The following OR9Q1 variants were observed in gnomAD, a reference collection of about 807,000 sequenced individuals.
The protein encoded by OR9Q1 is olfactory receptor family 9 subfamily Q member 1.
For synonymous variants in OR9Q1, 153 were observed against 148.6 expected, an observed-to-expected ratio of 1.03 and a Z score of -0.22; for missense variants, 374 against 378.8, an observed-to-expected ratio of 0.99 and a Z score of 0.11.
At chr11:58,091,294 C>T (rs928057401) in intron 2 of OR9Q1, among the ~76,000 whole-genome samples, 3 of 151,920 alleles carry the variant, frequency 2.0e-5, no homozygotes, top group Admixed American at 6.6e-5. Flanking sequence ...GCTATAAATT[C>T]GCTTCTTAAC....
Position 58,146,309 on chromosome 11 carries a change from T to C in OR9Q1, c.-14-33122T>C, listed in dbSNP as rs745486881. On this transcript the variant is annotated intron_variant, in intron 2 of 2. Transcript: ENST00000335397. ...ATTTACTCTATTGTCAGAAGACAGA[T>C]AACAATGAATCTGACTGCCACTTTT... 1.4e-4 allele frequency among the ~76,000 whole-genome samples: 22 copies of C among 152,326 alleles called. No individual in the cohort carries two copies. In the Middle Eastern group the frequency reaches 0.01, roughly 71 times the overall value.
chr11:58,073,751 A>G (rs998450271), intron 2 of OR9Q1: 9 of 152,254 alleles, frequency 5.9e-5, no homozygotes, highest in African/African-American at 1.9e-4. Flanking sequence ...TGTCATCTAG[A>G]TTTTAAGCCC....
At chr11:58,028,987 A>T (rs144454184) in intron 1 of OR9Q1, among the ~76,000 whole-genome samples, 3 of 152,184 alleles carry the variant, frequency 2.0e-5, no homozygotes, top group Non-Finnish European at 4.4e-5. Context: ...GCAAAACACT[A>T]TTTCTTTTTC....
intron 2 of OR9Q1, among the ~76,000 whole-genome samples, chr11:58,056,351 A>G (rs1037685163): frequency 1.1e-4 from 17 of 152,176 alleles, no homozygotes; most frequent in African/African-American, 4.1e-4. Context: ...AGCTGTCATC[A>G]TCTCCCTTCC....
chr11:58,177,545 A>G (rs1854617304), intron 2 of OR9Q1, among the ~76,000 whole-genome samples: 1 of 152,224 alleles, frequency 6.6e-6, no homozygotes, highest in Non-Finnish European at 1.5e-5. Context: ...ATCAGTTCTT[A>G]TAAAAGCATT....
intron 1 of OR9Q1, among the ~76,000 whole-genome samples, chr11:58,036,941 C>T (rs1565056031): frequency 6.6e-6 from 1 of 152,190 alleles, no homozygotes; most frequent in Non-Finnish European, 1.5e-5. Context: ...AAAACACCAT[C>T]AGGGCTTGAA....
intron 2 of OR9Q1, among the ~76,000 whole-genome samples, chr11:58,114,974 C>G (rs1031234): frequency 0.39 from 59,162 of 151,906 alleles, 12,254 homozygotes; most frequent in Middle Eastern, 0.52. Context: ...TCCTCATAGG[C>G]TTGCCTGTCC....
Position 58,179,770 on chromosome 11 carries a change from C to T in OR9Q1, c.326C>T (p.Ser109Phe), listed in dbSNP as rs1854643023. The T allele has an allele frequency of 6.2e-7, 1 of 1,614,102 alleles. No homozygotes were observed. The highest frequency in any genetic ancestry group is 1.7e-5 in the Admixed American group (1 of 60,004). ...AQFFLFTFFGSIDCYLLALMA... is the reference protein window; with the variant it reads ...AQFFLFTFFGFIDCYLLALMA... ...TTCTTTCTGTTCACCTTCTTTGGTT[C>T]CATCGACTGCTACCTCTTGGCCCTC... The change falls in exon 3 of 3, where the codon TCC becomes TTC. Residue 109 changes from serine (S) to phenylalanine (F), a missense_variant. Coordinates refer to ENST00000335397, the MANE Select transcript of OR9Q1 (RefSeq NM_001005212.4).
At chr11:58,139,166 A>G (rs1176739500) in intron 2 of OR9Q1, among the ~76,000 whole-genome samples, 1 of 152,248 alleles carries the variant, frequency 6.6e-6, no homozygotes, top group African/African-American at 2.4e-5. Context: ...ATCAGAAAGA[A>G]TAAGGGGGCA....
intron 1 of OR9Q1, among the ~76,000 whole-genome samples, chr11:58,045,875 C>A (rs144760292): frequency 2.9e-4 from 44 of 152,322 alleles, no homozygotes; most frequent in African/African-American, 1.1e-3. Context: ...CTGGATAATT[C>A]TTTGTTATGG....
chr11:58,084,071 C>T lies in OR9Q1; in HGVS notation c.-15+28124C>T, dbSNP rs1049148543. On this transcript the variant is annotated intron_variant, in intron 2 of 2. Transcript: ENST00000335397. Reference sequence around the variant, plus strand: ...GGCTGTATGGCCACTTTAATGATATCGATTCTCCCAATCAATGAGCATAGA... The same window carrying T: ...GGCTGTATGGCCACTTTAATGATATTGATTCTCCCAATCAATGAGCATAGA... 7.2e-5 allele frequency among the ~76,000 whole-genome samples: 11 copies of T among 151,754 alleles called. 1 individual carries two copies. The highest frequency in any genetic ancestry group is 1.9e-4 in the African/African-American group (8 of 41,162).
intron 2 of OR9Q1, among the ~76,000 whole-genome samples, chr11:58,139,756 G>A (rs1021016846): frequency 9.2e-5 from 14 of 152,064 alleles, no homozygotes; most frequent in African/African-American, 3.4e-4. Flanking sequence ...GTGTGCATGT[G>A]TCTTTATAGC....
intron 2 of OR9Q1, among the ~76,000 whole-genome samples, chr11:58,086,886 G>C (rs938190418): frequency 6.6e-6 from 1 of 151,694 alleles, no homozygotes; most frequent in African/African-American, 2.4e-5. Context: ...ATTGATTTAA[G>C]AGTACAAAAT....
chr11:58,091,328 A>T (rs941972257), intron 2 of OR9Q1, among the ~76,000 whole-genome samples: 1 of 152,044 alleles, frequency 6.6e-6, no homozygotes, highest in Admixed American at 6.6e-5. Context: ...TGTTCCAGAG[A>T]TTCTGGTATG....
rs1359308431 is a variant in OR9Q1 at position 58,103,653 on chromosome 11, T to C, written c.-15+47706T>C. Among the ~76,000 whole-genome samples, 9 of 152,360 alleles carry C rather than the reference T, an allele frequency of 5.9e-5. No homozygotes were observed. In the East Asian group the frequency reaches 1.5e-3, roughly 26 times the overall value. Reference sequence around the variant, plus strand: ...CCTTTAGAAGTGTCATGTTTTGTTTTTGTTTTTTACTTTTTAATGTTTCTC... The same window carrying C: ...CCTTTAGAAGTGTCATGTTTTGTTTCTGTTTTTTACTTTTTAATGTTTCTC... On this transcript the variant is annotated intron_variant, in intron 2 of 2. Coordinates refer to ENST00000335397, the MANE Select transcript of OR9Q1 (RefSeq NM_001005212.4).
At chr11:58,097,890 A>G (rs1853746700) in intron 2 of OR9Q1, among the ~76,000 whole-genome samples, 1 of 152,230 alleles carries the variant, frequency 6.6e-6, no homozygotes, top group Non-Finnish European at 1.5e-5. Context: ...GTAAAATTGT[A>G]AAAAATGCAG....
intron 1 of OR9Q1, among the ~76,000 whole-genome samples, chr11:58,030,223 T>G (rs1853017636): frequency 6.6e-6 from 1 of 152,206 alleles, no homozygotes; most frequent in Admixed American, 6.5e-5. Flanking sequence ...CTTATAATTC[T>G]TAAAGTCTCC....
chr11:58,129,236 C>CGTGTGTGTGTGTGT (rs59902083), intron 2 of OR9Q1, among the ~76,000 whole-genome samples: 8 of 144,756 alleles, frequency 5.5e-5, no homozygotes, highest in African/African-American at 2.1e-4. Flanking sequence ...CAGAGCAATT[C>CGTGTGTGTGTGTGT]GTGTGTGTGT....
At chr11:58,158,908 G>A (rs1031008185) in intron 2 of OR9Q1, among the ~76,000 whole-genome samples, 1 of 152,194 alleles carries the variant, frequency 6.6e-6, no homozygotes, top group African/African-American at 2.4e-5. Flanking sequence ...AATGAGATAT[G>A]AGGAAGGAAC....
Sources: gnomAD v4.1 joint callset for allele counts (sites outside exome capture counted in the v4.1 genomes callset) on GRCh38, gnomAD v4.1.1 for gene constraint, MANE v1.5 for transcripts, NCBI Gene and HGNC (gene_info 2026-07-23, HGNC 2026-07-21) for gene names.